Variants in ZFYVE16 observed in about 807,000 individuals in gnomAD.
The protein encoded by ZFYVE16 is zinc finger FYVE-type containing 16.
ZFYVE16 carries 89 observed loss-of-function variants against 138.1 expected under a neutral mutation model. The ratio of observed to expected loss-of-function variants is 0.64; its 90% CI spans 0.54 to 0.77. The LOEUF is 0.77. ZFYVE16 is among the 30% of genes least tolerant of loss of function. ZFYVE16 has a pLI of 0.00. For synonymous variants in ZFYVE16, 596 were observed against 618.3 expected (o/e 0.96, Z 0.53); for missense variants, 1,793 against 1,786.7 (o/e 1.00, Z -0.06).
intron 15 of ZFYVE16, among the ~76,000 whole-genome samples, chr5:80,460,706 T>TGG (rs1259182193): frequency 6.6e-6 from 1 of 152,210 alleles, no homozygotes; most frequent in Non-Finnish European, 1.5e-5. Flanking sequence ...TAGCATGTTT[T>TGG]ATTTGCACAA....
At chr5:80,440,199 A>C in intron 5 of ZFYVE16, 167 bp downstream of exon 5, 1 of 1,235,438 alleles carries the variant, frequency 8.1e-7, no homozygotes, top group Non-Finnish European at 1.0e-6. Flanking sequence ...TTTTTGTTCC[A>C]CTCTCACAAT....
chr5:80,420,981 C>A (rs370694610), intron 1 of ZFYVE16, among the ~76,000 whole-genome samples: 1 of 152,138 alleles, frequency 6.6e-6, no homozygotes, highest in African/African-American at 2.4e-5. Flanking sequence ...TTTTAATGAT[C>A]GCCATTCTAA....
chr5:80,419,351 A>G (rs1044427186), intron 1 of ZFYVE16, among the ~76,000 whole-genome samples: 5 of 152,068 alleles, frequency 3.3e-5, no homozygotes, highest in African/African-American at 1.2e-4. Flanking sequence ...TGCTGGGATT[A>G]TAGGCGTGAG....
rs778696225 is a variant in ZFYVE16, at chr5:80,437,597, C to T, written c.912C>T (p.Cys304=). Residue 304 remains cysteine (C), a synonymous_variant, in exon 4 of 19, where the codon TGC becomes TGT. Transcript: ENST00000505560. ...AGGGCAAGACAAGTGCTTTGACCTGCAGCCTTCCGAAAAATGAAGATTTAT... is the reference window on the plus strand; with the variant it reads ...AGGGCAAGACAAGTGCTTTGACCTGTAGCCTTCCGAAAAATGAAGATTTAT... ...KEEGKTSALT[C]SLPKNEDLCL... 6.2e-7 allele frequency: 1 copy of T among 1,613,200 alleles called. No individual in the cohort carries two copies. Among genetic ancestry groups the T allele is most frequent in the Admixed American group, 1.7e-5 (1 of 59,746 alleles).
intron 6 of ZFYVE16, among the ~76,000 whole-genome samples, chr5:80,444,676 G>C (rs1360952021): frequency 6.6e-6 from 1 of 151,828 alleles, no homozygotes; most frequent in Non-Finnish European, 1.5e-5. Flanking sequence ...TCCTGTGGTA[G>C]TAAGAAATGT....
rs973209578 is a variant in ZFYVE16, at chr5:80,480,548, T to A, written c.*3171T>A. On this transcript the variant is annotated 3_prime_UTR_variant, in exon 19 of 19. Transcript: ENST00000505560. The stretch of plus-strand genomic sequence containing the variant: ...AATACTTAGATAGAATGCAGAATTT[T>A]AAAAACTGATGAAAGACATGACCCC... 6.6e-6 allele frequency among the ~76,000 whole-genome samples: 1 copy of A among 152,054 alleles called. No homozygotes were observed. Among genetic ancestry groups the A allele is most frequent in the Admixed American group, 6.6e-5 (1 of 15,262 alleles).
At position 80,437,235 on chromosome 5, in the gene ZFYVE16, A is replaced by T. The variant is rs199870656; in HGVS notation, c.550A>T (p.Thr184Ser). The change falls in exon 4 of 19, where the codon ACT becomes TCT. Residue 184 changes from threonine to serine, a missense_variant. By Grantham distance (58) the Thr-to-Ser change is moderately conservative (BLOSUM62 1). This residue lies in a region of ZFYVE16 where 1,295 missense variants were observed against 1,204.3 expected (regional missense o/e 1.08). Coordinates refer to ENST00000505560, the MANE Select transcript of ZFYVE16 (RefSeq NM_001284236.3). ...CVSSTDHDSD[T>S]VREQQNDISS... is the part of the protein sequence containing the mutation. ...TTCTTCAACAGACCATGATAGTGAT[A>T]CTGTCAGAGAACAACAGAATGATAT... is the stretch of plus-strand genomic sequence containing the variant. The T allele has an allele frequency of 3.7e-6, 6 of 1,613,858 alleles. No individual in the cohort carries two copies. The highest frequency in any genetic ancestry group is 4.2e-6 in the Non-Finnish European group (5 of 1,179,944).
rs765462187 is a variant in ZFYVE16, at chr5:80,438,644, T to G, written c.1959T>G (p.Phe653Leu). 4 of 1,613,958 alleles carry G rather than the reference T, an allele frequency of 2.5e-6. No homozygotes were observed. In the African/African-American group the frequency reaches 4.0e-5, roughly 16 times the overall value. Residue 653 changes from phenylalanine (F) to leucine (L), a missense_variant, in exon 4 of 19, where the codon TTT (phenylalanine) becomes TTG (leucine). Physicochemically the swap from Phe to Leu is conservative, Grantham distance 22. Transcript: ENST00000505560. ...GAGGGGCCAGACCTAAGCAATTGTTTAGCCTTCCATCAAGAACAAGGAGTT... is the reference window on the plus strand; with the variant it reads ...GAGGGGCCAGACCTAAGCAATTGTTGAGCCTTCCATCAAGAACAAGGAGTT... Reference protein sequence around the residue: ...SVGGARPKQLFSLPSRTRSSK... With the variant: ...SVGGARPKQLLSLPSRTRSSK...
chr5:80,465,410 T>TTTTTTTTTTTTTG, intron 15 of ZFYVE16, among the ~76,000 whole-genome samples: 1 of 111,860 alleles, frequency 8.9e-6, no homozygotes, highest in Non-Finnish European at 1.9e-5. Flanking sequence ...GTTTTTTTTT[T>TTTTTTTTTTTTTG]TTTTTTTTTT....
At chr5:80,413,609 T>C (rs1299841577) in intron 1 of ZFYVE16, among the ~76,000 whole-genome samples, 2 of 152,200 alleles carry the variant, frequency 1.3e-5, no homozygotes, top group African/African-American at 4.8e-5. Context: ...AGAAAAATGA[T>C]TTGAGCAACT....
At chr5:80,448,428 T>C (rs760286703) in intron 8 of ZFYVE16, 24 bp downstream of exon 8, 7 of 1,438,284 alleles carry the variant, frequency 4.9e-6, no homozygotes, top group Non-Finnish European at 2.7e-6. Context: ...TATTTAAATT[T>C]AAAAAGATTT....
chr5:80,479,484 A>G lies in ZFYVE16; in HGVS notation c.*2107A>G, dbSNP rs529645682. 3 of 152,334 alleles carry G rather than the reference A, an allele frequency of 2.0e-5. No individual in the cohort carries two copies. Among genetic ancestry groups the G allele is most frequent in the South Asian group, 4.1e-4 (2 of 4,830 alleles). The allele number at this position is 152,334 out of a possible 1,614,324, so 9.4% of individuals were successfully genotyped here. On this transcript the variant is annotated 3_prime_UTR_variant, in exon 19 of 19. Transcript: ENST00000505560. ...TAGGCGTAGTTCTTTATCAACATTT[A>G]TGGATTCCATGCCACAAGTAGTATG... is the stretch of plus-strand genomic sequence containing the variant.
chr5:80,407,822 C>A (rs538081769), upstream of ZFYVE16, among the ~76,000 whole-genome samples: 3 of 152,318 alleles, frequency 2.0e-5, no homozygotes, highest in Admixed American at 6.5e-5. Context: ...AACCGAGTCC[C>A]GACCTAAGGT....
At chr5:80,411,818 C>G (rs1745497692) in intron 1 of ZFYVE16, 1 of 152,220 alleles carries the variant, frequency 6.6e-6, no homozygotes, top group African/African-American at 2.4e-5. Flanking sequence ...TCCCTTAATC[C>G]TGCTCCTCTT....
Position 80,413,741 on chromosome 5 carries a change from C to T in ZFYVE16, c.-94+5588C>T, listed in dbSNP as rs553359719. Among the ~76,000 whole-genome samples the T allele has an allele frequency of 2.0e-5, 3 of 152,296 alleles. No homozygotes were observed. The East Asian group carries it at 5.8e-4, about 29-fold the overall frequency. ...ATTAAAGATTAATTCTCTCGCCGAACCTTAATTGAGAAAGGCTGCTCCAGA... is the reference window on the plus strand; with the variant it reads ...ATTAAAGATTAATTCTCTCGCCGAATCTTAATTGAGAAAGGCTGCTCCAGA... On this transcript the variant is annotated intron_variant, in intron 1 of 18. Transcript: ENST00000505560.
At chr5:80,419,206 G>A (rs1746718377) in intron 1 of ZFYVE16, among the ~76,000 whole-genome samples, 1 of 151,674 alleles carries the variant, frequency 6.6e-6, no homozygotes, top group Admixed American at 6.6e-5. Context: ...AGCCTCCCAA[G>A]TAGCTGGGAC....
chr5:80,443,779 A>G (rs1195459506), intron 6 of ZFYVE16: 1 of 456,252 alleles, frequency 2.2e-6, no homozygotes, highest in South Asian at 1.5e-5. Flanking sequence ...TTCCCACCTT[A>G]TGGTCTCCCA....
intron 3 of ZFYVE16, among the ~76,000 whole-genome samples, chr5:80,435,542 C>T (rs1436533608): frequency 6.6e-6 from 1 of 152,110 alleles, no homozygotes; most frequent in African/African-American, 2.4e-5. Context: ...TTAGTTCTTC[C>T]TTAGTCTGGT....
intron 3 of ZFYVE16, among the ~76,000 whole-genome samples, chr5:80,435,055 G>T (rs1020090141): frequency 2.0e-5 from 3 of 151,282 alleles, no homozygotes; most frequent in Non-Finnish European, 4.4e-5. Flanking sequence ...TTGTTTCTGA[G>T]ACGGAGTCTC....
Sources: gnomAD v4.1 joint callset for allele counts (sites outside exome capture counted in the v4.1 genomes callset) on GRCh38, gnomAD v4.1.1 for gene constraint, gnomAD v4.1.1 regional missense constraint, MANE v1.5 for transcripts, NCBI Gene and HGNC (gene_info 2026-07-23, HGNC 2026-07-21) for gene names.